The following CLEC19A variants were observed in gnomAD, a reference collection of about 807,000 sequenced individuals.
CLEC19A encodes the protein C-type lectin domain family 19 member A.
In CLEC19A, 21 loss-of-function variants were observed where a neutral mutation model predicts 26.1. That is an observed-to-expected ratio of 0.80 (90% CI 0.57 to 1.16). The LOEUF (loss-of-function observed/expected upper bound fraction) is 1.16, where lower values mean the gene tolerates loss of function less well. Among genes scored for constraint, CLEC19A ranks in the 50% most tolerant of loss-of-function variants. The probability of loss-of-function intolerance (pLI) is 0.00; values close to 1 mark genes in which losing one functional copy is unlikely to be tolerated. For synonymous variants in CLEC19A, 89 were observed against 88.6 expected, an observed-to-expected ratio of 1.00 and a Z score of -0.03; for missense variants, 224 against 227.6, an observed-to-expected ratio of 0.98 and a Z score of 0.10.
chr16:19,307,301 A>G (rs1897978006), intron 3 of CLEC19A, among the ~76,000 whole-genome samples: 1 of 152,234 alleles, frequency 6.6e-6, no homozygotes, highest in South Asian at 2.1e-4. Context: ...TGGTGAGGAT[A>G]AAATGAGTAA....
chr16:19,285,969 G>A (rs1354021423), intron 1 of CLEC19A, 30 bp downstream of exon 1: 2 of 1,539,706 alleles, frequency 1.3e-6, no homozygotes, highest in African/African-American at 1.4e-5. Context: ...CTGGGAGCAG[G>A]TGGAGAGGAG....
chr16:19,304,334 T>G (rs944320457), intron 3 of CLEC19A, 179 bp downstream of exon 3: 2 of 564,278 alleles, frequency 3.5e-6, no homozygotes, highest in Non-Finnish European at 6.4e-6. Context: ...TTTAATGATG[T>G]CCTACTAAAT....
intron 1 of CLEC19A, among the ~76,000 whole-genome samples, chr16:19,288,531 A>G (rs75892822): frequency 0.11 from 17,254 of 152,142 alleles, 981 homozygotes; most frequent in South Asian, 0.15. Flanking sequence ...ATATACGCAA[A>G]TAGCACAACT....
At chr16:19,294,761 C>T (rs1004949238) in intron 1 of CLEC19A, among the ~76,000 whole-genome samples, 6 of 152,150 alleles carry the variant, frequency 3.9e-5, no homozygotes, top group African/African-American at 1.4e-4. Flanking sequence ...AGAGAAATAG[C>T]CCACACTATA....
At chr16:19,294,772 C>A (rs1036311232) in intron 1 of CLEC19A, among the ~76,000 whole-genome samples, 3 of 152,178 alleles carry the variant, frequency 2.0e-5, no homozygotes, top group Non-Finnish European at 4.4e-5. Flanking sequence ...CCACACTATA[C>A]TTCTCATTAG....
In CLEC19A at chr16:19,285,897, T is replaced by A. The variant is rs179196; in HGVS notation, c.46T>A (p.Ser16Thr). Reference protein sequence around the residue: ...LWAAAFLTLHSAQAFPQTDIS... With the variant: ...LWAAAFLTLHTAQAFPQTDIS... ...GGCTGCAGCCTTCCTGACCCTCCAC[T>A]CTGCACAGGCCTTTCCACAAACAGA... The change falls in exon 1 of 5, where the codon TCT becomes ACT. Residue 16 changes from serine to threonine, a missense_variant. Physicochemically the swap from Ser to Thr is moderately conservative, Grantham distance 58. Coordinates refer to ENST00000636231, the MANE Select transcript of CLEC19A (RefSeq NM_001256720.2). The A allele has an allele frequency of 9.7e-6, 15 of 1,550,354 alleles. No individual in the cohort carries two copies. The Admixed American group carries it at 2.6e-4, about 26-fold the overall frequency.
At chr16:19,304,825 G>A (rs1897916593) in intron 3 of CLEC19A, 1 of 152,766 alleles carries the variant, frequency 6.5e-6, no homozygotes, top group Non-Finnish European at 1.5e-5. Context: ...ACAACACCAA[G>A]GGTCTAAGAC....
chr16:19,309,130 T>C lies in CLEC19A; in HGVS notation c.*47T>C, dbSNP rs1171230504. 1 of 1,370,658 alleles carries C rather than the reference T, an allele frequency of 7.3e-7. No individual in the cohort carries two copies. Among genetic ancestry groups the C allele is most frequent in the Non-Finnish European group, 1.0e-6 (1 of 984,690 alleles). The allele number at this position is 1,370,658 out of a possible 1,614,324, so 84.9% of individuals were successfully genotyped here. On this transcript the variant is annotated 3_prime_UTR_variant, in exon 5 of 5. Coordinates refer to ENST00000636231, the MANE Select transcript of CLEC19A (RefSeq NM_001256720.2). ...TGAGCTCAACTCTAGTATCATCTTG[T>C]AGCTGTAACCAGTGTAGAATTGACA... is the stretch of plus-strand genomic sequence containing the variant.
At chr16:19,300,547 CAAAAAA>C (rs66894914) in intron 2 of CLEC19A, among the ~76,000 whole-genome samples, 1 of 134,662 alleles carries the variant, frequency 7.4e-6, no homozygotes. Context: ...GATCCTATCT[CAAAAAA>C]AAAAAAAAAA....
At position 19,307,669 on chromosome 16, in the gene CLEC19A, C is replaced by G. The variant is rs2143011422; in HGVS notation, c.473C>G (p.Pro158Arg). 1 of 1,548,228 alleles carries G rather than the reference C, an allele frequency of 6.5e-7. No individual in the cohort carries two copies. Among genetic ancestry groups the G allele is most frequent in the East Asian group, 2.4e-5 (1 of 40,892 alleles). Reference sequence around the variant, plus strand: ...GACTGCGTGCAGATATGGTACAGGCCTACCAGTGGTGGGTACCCCTGAGAC... The same window carrying G: ...GACTGCGTGCAGATATGGTACAGGCGTACCAGTGGTGGGTACCCCTGAGAC... Reference protein sequence around the residue: ...EEDCVQIWYRPTSALRSWNDN... With the variant: ...EEDCVQIWYRRTSALRSWNDN... The change falls in exon 4 of 5, where the codon CCT becomes CGT. Residue 158 changes from proline to arginine, a missense_variant. Coordinates refer to ENST00000636231, the MANE Select transcript of CLEC19A (RefSeq NM_001256720.2).
At chr16:19,294,734 A>AT (rs1897668669) in intron 1 of CLEC19A, among the ~76,000 whole-genome samples, 1 of 152,220 alleles carries the variant, frequency 6.6e-6, no homozygotes, top group Non-Finnish European at 1.5e-5. Flanking sequence ...TTAGTAATAC[A>AT]TTTTAACTCT....
chr16:19,302,635 A>AT (rs1567255845), intron 2 of CLEC19A, among the ~76,000 whole-genome samples: 2 of 152,212 alleles, frequency 1.3e-5, no homozygotes, highest in South Asian at 2.1e-4. Flanking sequence ...AGTGGGAATC[A>AT]TTTTTTTCAG....
chr16:19,305,812 C>T (rs1157217202), intron 3 of CLEC19A, among the ~76,000 whole-genome samples: 1 of 151,908 alleles, frequency 6.6e-6, no homozygotes, highest in Non-Finnish European at 1.5e-5. Context: ...GTAGTCAGAC[C>T]TGAGTTTTTT....
At position 19,307,656 on chromosome 16, in the gene CLEC19A, A is replaced by T; in HGVS notation, c.460A>T (p.Ile154Leu). Reference sequence around the variant, plus strand: ...CCCAGAAGAAGAGGACTGCGTGCAGATATGGTACAGGCCTACCAGTGGTGG... The same window carrying T: ...CCCAGAAGAAGAGGACTGCGTGCAGTTATGGTACAGGCCTACCAGTGGTGG... ...ADPEEEDCVQ[I>L]WYRPTSALRS... The change falls in exon 4 of 5, where the codon ATA becomes TTA. Residue 154 changes from isoleucine to leucine, a missense_variant. Physicochemically the swap from Ile to Leu is conservative, Grantham distance 5 (BLOSUM62 2). Transcript: ENST00000636231. 2 of 1,548,278 alleles carry T rather than the reference A, an allele frequency of 1.3e-6. No homozygotes were observed. Among genetic ancestry groups the T allele is most frequent in the South Asian group, 1.2e-5 (1 of 83,942 alleles).
At chr16:19,299,150 T>C (rs565560656) in intron 2 of CLEC19A, among the ~76,000 whole-genome samples, 3 of 152,298 alleles carry the variant, frequency 2.0e-5, no homozygotes, top group Admixed American at 2.0e-4. Context: ...TCAGCAGGGG[T>C]AGCAAATAGC....
At chr16:19,289,161 C>T (rs940937330) in intron 1 of CLEC19A, among the ~76,000 whole-genome samples, 1 of 152,170 alleles carries the variant, frequency 6.6e-6, no homozygotes, top group African/African-American at 2.4e-5. Flanking sequence ...ACATAGGCAA[C>T]GGTGTTCCTA....
chr16:19,288,296 C>T (rs1056910821), intron 1 of CLEC19A, among the ~76,000 whole-genome samples: 1 of 151,964 alleles, frequency 6.6e-6, no homozygotes, highest in South Asian at 2.1e-4. Flanking sequence ...TGGGCAGGAG[C>T]GTGTGTGTTG....
chr16:19,288,850 T>C (rs1197121500), intron 1 of CLEC19A, among the ~76,000 whole-genome samples: 1 of 152,210 alleles, frequency 6.6e-6, no homozygotes, highest in Non-Finnish European at 1.5e-5. Flanking sequence ...GATCTGCTTC[T>C]GCAGGGCTTC....
At chr16:19,295,215 T>C (rs1223781205) in intron 1 of CLEC19A, among the ~76,000 whole-genome samples, 1 of 152,052 alleles carries the variant, frequency 6.6e-6, no homozygotes. Context: ...TTGTTGTTGT[T>C]GTTGTTTTGA....
Sources: gnomAD v4.1 joint callset for allele counts (sites outside exome capture counted in the v4.1 genomes callset) on GRCh38, gnomAD v4.1.1 for gene constraint, MANE v1.5 for transcripts, NCBI Gene and HGNC (gene_info 2026-07-23, HGNC 2026-07-21) for gene names.